ABCB1: variants seen among roughly 807,000 people sequenced by gnomAD.
ABCB1 encodes ATP-dependent translocase ABCB1.
ABCB1 carries 69 observed loss-of-function variants against 142.0 expected under a neutral mutation model. The ratio of observed to expected loss-of-function variants is 0.49; its 90% CI spans 0.40 to 0.59. The LOEUF (loss-of-function observed/expected upper bound fraction) is 0.59. Among genes scored for constraint, ABCB1 ranks in the 20% least tolerant of loss-of-function variants. ABCB1 has a pLI of 0.00. For synonymous variants in ABCB1, 532 were observed against 539.2 expected (o/e 0.99, Z 0.18); for missense variants, 1,326 against 1,554.7 (o/e 0.85, Z 2.47).
intron 20 of ABCB1, among the ~76,000 whole-genome samples, chr7:87,534,809 G>T (rs1431925258): frequency 6.6e-6 from 1 of 151,086 alleles, no homozygotes; most frequent in African/African-American, 2.4e-5. Context: ...CAGCTACCAG[G>T]AAGGCTGAGA....
intron 4 of ABCB1, among the ~76,000 whole-genome samples, chr7:87,575,926 A>T (rs1283430884): frequency 1.3e-5 from 2 of 152,188 alleles, no homozygotes; most frequent in Admixed American, 6.5e-5. Context: ...AAAAGATACC[A>T]GACTAAAAAG....
intron 1 of ABCB1, among the ~76,000 whole-genome samples, chr7:87,652,438 TCCA>T (rs1823667890): frequency 6.6e-6 from 1 of 151,878 alleles, no homozygotes; most frequent in Non-Finnish European, 1.5e-5. Flanking sequence ...AACAATCAAA[TCCA>T]TTAATGTTAT....
intron 7 of ABCB1, among the ~76,000 whole-genome samples, chr7:87,561,776 A>G (rs1817571048): frequency 6.6e-6 from 1 of 152,226 alleles, no homozygotes; most frequent in Admixed American, 6.5e-5. Flanking sequence ...GCTTGAGCCC[A>G]GGAATTCTAG....
At chr7:87,670,024 C>T (rs553184090) in intron 1 of ABCB1, among the ~76,000 whole-genome samples, 1 of 152,226 alleles carries the variant, frequency 6.6e-6, no homozygotes, top group African/African-American at 2.4e-5. Flanking sequence ...CCCTGTACCT[C>T]GTTGGGGAAG....
chr7:87,503,430 T>G lies in ABCB1; in HGVS notation c.*813A>C, dbSNP rs942381255. On this transcript the variant is annotated 3_prime_UTR_variant, in exon 28 of 28. Transcript: ENST00000622132. Reference sequence around the variant, plus strand: ...ATCACTTTTGGAAGAGGCCAATTACTGGCAAAAGTGATTCATTATCAAGAC... The same window carrying G: ...ATCACTTTTGGAAGAGGCCAATTACGGGCAAAAGTGATTCATTATCAAGAC... Among the ~76,000 whole-genome samples the G allele has an allele frequency of 8.5e-5, 13 of 152,182 alleles. No homozygotes were observed. Among genetic ancestry groups the G allele is most frequent in the African/African-American group, 2.7e-4 (11 of 41,452 alleles).
At chr7:87,516,731 CTTTTTTTTTTTT>C (rs546527484) in intron 23 of ABCB1, 66 bp from the exon 24 acceptor site, 2 of 806,398 alleles carry the variant, frequency 2.5e-6, no homozygotes, top group East Asian at 4.9e-5. Context: ...GCTGACACTC[CTTTTTTTTTTTT>C]TTTTTTTTTT....
chr7:87,554,069 C>T, intron 8 of ABCB1, 137 bp from the exon 9 acceptor site: 2 of 769,346 alleles, frequency 2.6e-6, no homozygotes, highest in Non-Finnish European at 4.4e-6. Flanking sequence ...TACATTGACC[C>T]TATATAGTAG....
At chr7:87,530,027 AC>A (rs1815962721) in intron 21 of ABCB1, among the ~76,000 whole-genome samples, 1 of 152,028 alleles carries the variant, frequency 6.6e-6, no homozygotes, top group Non-Finnish European at 1.5e-5. Context: ...TCCAGAGGGA[AC>A]CCCCCAAAAA....
chr7:87,669,940 A>G (rs886976922), intron 1 of ABCB1, among the ~76,000 whole-genome samples: 7 of 152,044 alleles, frequency 4.6e-5, no homozygotes, highest in African/African-American at 1.2e-4. Context: ...AGCTGATGAC[A>G]TGTGTTTTGG....
At position 87,549,821 on chromosome 7, in the gene ABCB1, C is replaced by T. The variant is rs1332342708; in HGVS notation, c.1554+30G>A. 3 of 1,612,826 alleles carry T rather than the reference C, an allele frequency of 1.9e-6. No individual in the cohort carries two copies. In the African/African-American group the frequency reaches 4.0e-5, roughly 22 times the overall value. The stretch of plus-strand genomic sequence containing the variant: ...GGCCTGCATTTTATTTTTTGCACCT[C>T]TAGAAAGGCAAAGGGCAAGGACAAC... On this transcript the variant is annotated intron_variant, in intron 13 of 27. Coordinates refer to ENST00000622132, the MANE Select transcript of ABCB1 (RefSeq NM_001348946.2).
chr7:87,625,033 G>A (rs1049411018), intron 1 of ABCB1, among the ~76,000 whole-genome samples: 1 of 152,202 alleles, frequency 6.6e-6, no homozygotes. Flanking sequence ...GAGAAGGGCG[G>A]ATCACGAGGT....
intron 1 of ABCB1, among the ~76,000 whole-genome samples, chr7:87,673,901 A>T (rs553773216): frequency 2.0e-5 from 3 of 152,010 alleles, no homozygotes; most frequent in African/African-American, 4.8e-5. Context: ...ATATTCTTTG[A>T]TGCCCTTGGG....
chr7:87,554,431 G>A (rs891382845), intron 8 of ABCB1, among the ~76,000 whole-genome samples: 4 of 152,024 alleles, frequency 2.6e-5, no homozygotes, highest in Admixed American at 6.5e-5. Context: ...TAGGACTGTC[G>A]GAATGACCAA....
intron 1 of ABCB1, among the ~76,000 whole-genome samples, chr7:87,606,788 T>C (rs1584919003): frequency 6.6e-6 from 1 of 152,066 alleles, no homozygotes; most frequent in African/African-American, 2.4e-5. Flanking sequence ...TTTTCTGTAT[T>C]TGAGAAATTT....
At chr7:87,543,379 A>G (rs570609645) in intron 17 of ABCB1, among the ~76,000 whole-genome samples, 16 of 152,314 alleles carry the variant, frequency 1.1e-4, no homozygotes, top group Non-Finnish European at 2.1e-4. Context: ...TATTAAACTG[A>G]AATAAGCTAA....
At chr7:87,555,077 G>A (rs1817251954) in intron 8 of ABCB1, among the ~76,000 whole-genome samples, 1 of 152,176 alleles carries the variant, frequency 6.6e-6, no homozygotes, top group African/African-American at 2.4e-5. Flanking sequence ...AGGAGATGAT[G>A]TCTATAACTC....
In ABCB1 at chr7:87,552,382, C is replaced by T. The variant is rs149771885; in HGVS notation, c.999+1379G>A. ...AACACGCTGAAAGTTAGGGTTCATT[C>T]CTGTCATATCATTTGGCAGAAGAGG... On this transcript the variant is annotated intron_variant, in intron 9 of 27. Transcript: ENST00000622132. 3.5e-3 allele frequency among the ~76,000 whole-genome samples: 533 copies of T among 152,194 alleles called. 3 individuals are homozygous for T. Among genetic ancestry groups the T allele is most frequent in the African/African-American group, 0.012 (515 of 41,532 alleles).
intron 1 of ABCB1, among the ~76,000 whole-genome samples, chr7:87,613,150 A>G (rs1264542935): frequency 6.6e-6 from 1 of 151,208 alleles, no homozygotes; most frequent in African/African-American, 2.4e-5. Context: ...CTTATTTATC[A>G]GATGTAGAAG....
chr7:87,567,560 TG>T (rs1696183433), intron 5 of ABCB1, among the ~76,000 whole-genome samples: 1 of 152,196 alleles, frequency 6.6e-6, no homozygotes, highest in Admixed American at 6.5e-5. Context: ...GATTATCCCT[TG>T]GGCTATTAAT....
Sources: gnomAD v4.1 joint callset for allele counts (sites outside exome capture counted in the v4.1 genomes callset) on GRCh38, gnomAD v4.1.1 for gene constraint, MANE v1.5 for transcripts, NCBI Gene and HGNC (gene_info 2026-07-23, HGNC 2026-07-21) for gene names.